CUX1: variants seen among roughly 807,000 people sequenced by gnomAD.
CUX1 encodes cut like homeobox 1, also known as protein CASP.
Under a neutral mutation model 158.8 loss-of-function variants are expected in CUX1, and 31 were observed. That is an observed-to-expected ratio of 0.20 (90% confidence interval 0.15 to 0.26). The LOEUF is 0.26. Among genes scored for constraint, CUX1 ranks in the 10% least tolerant of loss-of-function variants. The pLI is 1.00. For synonymous variants in CUX1, 879 were observed against 862.1 expected (o/e 1.02, Z -0.34); for missense variants, 1,589 against 2,014.6 (o/e 0.79, Z 4.04).
chr7:101,827,666 C>G (rs1373937796), intron 1 of CUX1, among the ~76,000 whole-genome samples: 3 of 152,030 alleles, frequency 2.0e-5, no homozygotes, highest in Non-Finnish European at 4.4e-5. Flanking sequence ...TGATGGGAAG[C>G]CTTACCGATA....
chr7:102,069,184 C>G (rs959550807), intron 3 of CUX1, among the ~76,000 whole-genome samples: 2 of 152,226 alleles, frequency 1.3e-5, no homozygotes, highest in African/African-American at 4.8e-5. Context: ...GGTTCTCTTC[C>G]TCCCTGCCCC....
intron 2 of CUX1, among the ~76,000 whole-genome samples, chr7:101,941,100 C>G (rs541778485): frequency 6.6e-6 from 1 of 152,194 alleles, no homozygotes; most frequent in Non-Finnish European, 1.5e-5. Flanking sequence ...GGCATGTTGT[C>G]GCCAATCTGA....
At chr7:102,202,487 C>A (rs1554520100) in intron 18 of CUX1, among the ~76,000 whole-genome samples, 1 of 152,110 alleles carries the variant, frequency 6.6e-6, no homozygotes, top group East Asian at 1.9e-4. Flanking sequence ...GTAAAATCCC[C>A]AATTGACAGG....
At chr7:102,076,936 C>T (rs1554476861) in intron 4 of CUX1, among the ~76,000 whole-genome samples, 1 of 150,782 alleles carries the variant, frequency 6.6e-6, no homozygotes, top group Admixed American at 6.6e-5. Flanking sequence ...CAGGAGGCTG[C>T]GGTGGGTGGA....
At chr7:102,112,278 G>A (rs1399660025) in intron 7 of CUX1, among the ~76,000 whole-genome samples, 1 of 128,510 alleles carries the variant, frequency 7.8e-6, no homozygotes, top group Non-Finnish European at 1.6e-5. Context: ...GTCTCGCTCT[G>A]TCACCCAGGC....
intron 11 of CUX1, among the ~76,000 whole-genome samples, chr7:102,183,153 G>A (rs1237472564): frequency 1.3e-5 from 2 of 151,850 alleles, no homozygotes; most frequent in Admixed American, 6.6e-5. Context: ...TTGCATTCTC[G>A]GAGCCCAGGA....
chr7:101,973,674 A>C (rs1484096716), intron 2 of CUX1, among the ~76,000 whole-genome samples: 3 of 152,156 alleles, frequency 2.0e-5, no homozygotes, highest in Admixed American at 2.0e-4. Context: ...TTTTGAAAGA[A>C]GAGGGAAAGA....
At chr7:102,133,467 CTTTTTTTTTT>C (rs11266929) in intron 8 of CUX1, among the ~76,000 whole-genome samples, 12 of 90,576 alleles carry the variant, frequency 1.3e-4, no homozygotes, top group African/African-American at 4.5e-4. Flanking sequence ...AAAAATACAT[CTTTTTTTTTT>C]TTTTTTTTTT....
At chr7:102,167,392 C>T (rs1056423985) in intron 9 of CUX1, among the ~76,000 whole-genome samples, 3 of 152,206 alleles carry the variant, frequency 2.0e-5, no homozygotes, top group Non-Finnish European at 2.9e-5. Flanking sequence ...CCGCTCTGAA[C>T]GGCTAAATGC....
At chr7:102,032,171 C>T (rs1433791575) in intron 3 of CUX1, among the ~76,000 whole-genome samples, 2 of 151,774 alleles carry the variant, frequency 1.3e-5, no homozygotes, top group Admixed American at 6.6e-5. Flanking sequence ...TCCAGTGATC[C>T]GCCCGCCTCA....
At chr7:102,013,423 A>C (rs1202435259) in intron 2 of CUX1, among the ~76,000 whole-genome samples, 1 of 152,176 alleles carries the variant, frequency 6.6e-6, no homozygotes, top group Non-Finnish European at 1.5e-5. Flanking sequence ...TTCTTTCCTA[A>C]ATTGTTTCAT....
chr7:102,162,168 T>TA (rs1177234808), intron 9 of CUX1, among the ~76,000 whole-genome samples: 1 of 152,086 alleles, frequency 6.6e-6, no homozygotes, highest in African/African-American at 2.4e-5. Context: ...GTTCTGTCCT[T>TA]GTAGTTCTCA....
chr7:102,043,323 CTGTGTGT>C (rs1822337694), intron 3 of CUX1, among the ~76,000 whole-genome samples: 2 of 139,068 alleles, frequency 1.4e-5, no homozygotes, highest in African/African-American at 5.3e-5. Flanking sequence ...CATTAGCTCA[CTGTGTGT>C]GTGTGTGTGT....
chr7:101,839,297 C>T (rs370719632), intron 1 of CUX1, among the ~76,000 whole-genome samples: 1 of 152,282 alleles, frequency 6.6e-6, no homozygotes. Flanking sequence ...TCTGACCCCC[C>T]TCCCCCAAGC....
At chr7:102,199,361 A>G (rs1045734427) in intron 16 of CUX1, among the ~76,000 whole-genome samples, 8 of 152,180 alleles carry the variant, frequency 5.3e-5, no homozygotes, top group Non-Finnish European at 2.9e-5. Context: ...GTTCCTATTT[A>G]GGAAGGTAGT....
intron 1 of CUX1, among the ~76,000 whole-genome samples, chr7:101,886,663 C>G (rs867935804): frequency 6.6e-6 from 1 of 152,150 alleles, no homozygotes; most frequent in African/African-American, 2.4e-5. Context: ...GCACTGCATG[C>G]CTGGATAGCC....
chr7:101,936,581 A>G (rs1806969058), intron 2 of CUX1, among the ~76,000 whole-genome samples: 1 of 152,162 alleles, frequency 6.6e-6, no homozygotes, highest in African/African-American at 2.4e-5. Context: ...GGCTAAGTGC[A>G]GGGGACAGAA....
intron 1 of CUX1, among the ~76,000 whole-genome samples, chr7:101,823,882 A>C (rs1230521107): frequency 1.3e-5 from 2 of 152,192 alleles, no homozygotes; most frequent in Non-Finnish European, 2.9e-5. Context: ...TGTTAAATGT[A>C]AGACATTCAG....
intron 15 of CUX1, chr7:102,274,149 A>C: frequency 4.9e-6 from 6 of 1,232,396 alleles, no homozygotes; most frequent in Non-Finnish European, 3.5e-6. Context: ...ACTCCTTGCC[A>C]CACCCACCCT....
Sources: allele counts gnomAD v4.1 joint callset (sites outside exome capture counted in the v4.1 genomes callset), GRCh38; gene constraint gnomAD v4.1.1; transcripts MANE v1.5; gene names NCBI Gene and HGNC (gene_info 2026-07-23, HGNC 2026-07-21).